Variants in SLC49A3 observed in about 807,000 individuals in gnomAD.
SLC49A3 encodes solute carrier family 49 member A3.
A neutral mutation model predicts 43.8 loss-of-function variants in SLC49A3; 50 were observed. That is an observed-to-expected ratio of 1.14 (90% CI 0.91 to 1.45). The LOEUF is 1.45. Among genes scored for constraint, SLC49A3 ranks in the 40% most tolerant of loss-of-function variants. The probability of loss-of-function intolerance (pLI) is 0.00; values close to 1 mark genes in which losing one functional copy is unlikely to be tolerated. For missense variants in SLC49A3, 906 were observed against 774.1 expected, an observed-to-expected ratio of 1.17 and a Z score of -2.02; for synonymous variants, 413 against 352.0, an observed-to-expected ratio of 1.17 and a Z score of -1.94.
chr4:682,408 C>G, intron 9 of SLC49A3, 32 bp from the exon 10 acceptor site: 1 of 1,321,548 alleles, frequency 7.6e-7, no homozygotes. Flanking sequence ...GTCCCCACAG[C>G]CAAGCCCAGG....
At chr4:689,463 C>T, upstream of SLC49A3, 1 of 195,318 alleles carries the variant, frequency 5.1e-6, no homozygotes, top group Non-Finnish European at 1.0e-5. Context: ...GCCTGGAAGT[C>T]ACTCTGCCCA....
At position 686,147 on chromosome 4, in the gene SLC49A3, C is replaced by T; in HGVS notation, c.450G>A (p.Leu150=). 6.2e-7 allele frequency: 1 copy of T among 1,613,272 alleles called. No homozygotes were observed. The highest frequency in any genetic ancestry group is 8.5e-7 in the Non-Finnish European group (1 of 1,179,976). The change falls in exon 3 of 10, where the codon CTG becomes CTA. Residue 150 remains leucine, a synonymous_variant. Coordinates refer to ENST00000322224, the MANE Select transcript of SLC49A3 (RefSeq NM_032219.4). ...GGTGCTCTGGGAACCACAAGGCAGC[C>T]AGCTTGGCTGGAGAGAAGATGACCA... is the stretch of plus-strand genomic sequence containing the variant. ...QSLVIFSPAK[L]AALWFPEHQR...
chr4:690,639 G>A (rs903145075), upstream of SLC49A3, among the ~76,000 whole-genome samples: 4 of 152,244 alleles, frequency 2.6e-5, no homozygotes, highest in Non-Finnish European at 4.4e-5. Context: ...CTGTCACCAT[G>A]AAATGGGGCA....
chr4:689,515 G>C (rs886819943), upstream of SLC49A3: 1 of 162,394 alleles, frequency 6.2e-6, no homozygotes, highest in Non-Finnish European at 1.3e-5. Flanking sequence ...TGGACCCCAA[G>C]TTCCTGAGGT....
chr4:679,953 T>C, downstream of SLC49A3: 10 of 1,613,744 alleles, frequency 6.2e-6, no homozygotes, highest in Non-Finnish European at 8.5e-6. Flanking sequence ...GACGCCATGC[T>C]CAAAGAGGCC....
chr4:678,690 T>C (rs753267640), downstream of SLC49A3: 1 of 1,611,184 alleles, frequency 6.2e-7, no homozygotes, highest in South Asian at 1.1e-5. Context: ...AGGAAGGGGG[T>C]GCCCTCCGGG....
At chr4:683,113 GA>G in intron 8 of SLC49A3, 96 bp downstream of exon 8, 1 of 1,508,088 alleles carries the variant, frequency 6.6e-7, no homozygotes, top group Non-Finnish European at 9.0e-7. Flanking sequence ...CCACCTCCCC[GA>G]AAAGGGGCCT....
chr4:684,988 G>GCCCTCCCACCA (rs1436731503), intron 4 of SLC49A3, 132 bp from the exon 5 acceptor site: 41 of 1,299,284 alleles, frequency 3.2e-5, no homozygotes, highest in Non-Finnish European at 4.2e-5. Context: ...CCTCTGGTCT[G>GCCCTCCCACCA]CAGCTGCCCT....
At position 689,107 on chromosome 4, in the gene SLC49A3, G is replaced by A; in HGVS notation, c.21C>T (p.Ala7=). 1 of 1,426,770 alleles carries A rather than the reference G, an allele frequency of 7.0e-7. No homozygotes were observed. The highest frequency in any genetic ancestry group is 1.5e-5 in the South Asian group (1 of 68,766). The allele number at this position is 1,426,770 out of a possible 1,614,324, so 88.4% of individuals were successfully genotyped here. A position where few individuals can be genotyped will look rare whatever the true frequency, so the allele number is the denominator to read the frequency against. ...CCCGGGGCTCGGCCAACCCCGTCTC[G>A]GCCTCCGTCGGCCCCGCCATCGTCG... MAGPTE[A]ETGLAEPRAL... Residue 7 remains alanine (A), a synonymous_variant, in exon 1 of 10, where the codon GCC becomes GCT. Coordinates refer to ENST00000322224, the MANE Select transcript of SLC49A3 (RefSeq NM_032219.4).
downstream of SLC49A3, chr4:681,248 C>A: frequency 7.3e-7 from 1 of 1,369,314 alleles, no homozygotes; most frequent in Non-Finnish European, 1.0e-6. Flanking sequence ...GCGGTTAGGA[C>A]CCAGGACAGA....
downstream of SLC49A3, chr4:677,861 T>C: frequency 8.5e-7 from 1 of 1,179,852 alleles, no homozygotes; most frequent in Admixed American, 1.8e-5. Flanking sequence ...ACTGCCAGGC[T>C]GCCAAAGCTC....
At position 689,050 on chromosome 4, in the gene SLC49A3, G is replaced by T; in HGVS notation, c.78C>A (p.Tyr26Ter). The T allele has an allele frequency of 1.9e-6, 3 of 1,585,242 alleles. No homozygotes were observed. Among genetic ancestry groups the T allele is most frequent in the Non-Finnish European group, 1.7e-6 (2 of 1,169,322 alleles). The change falls in exon 1 of 10, where the codon TAC (tyrosine) becomes TAA (stop). Residue 26 changes from tyrosine to a stop codon, truncating the protein, a stop_gained. Coordinates refer to ENST00000322224, the MANE Select transcript of SLC49A3 (RefSeq NM_032219.4). LOFTEE classifies it high-confidence loss of function. ...ALCAQRGHRT[Y>*]ARRWVFLLAI... Reference sequence around the variant, plus strand: ...CGAGCAGGAACACCCAGCGGCGCGCGTAGGTGCGGTGGCCCCGCTGCGCGC... The same window carrying T: ...CGAGCAGGAACACCCAGCGGCGCGCTTAGGTGCGGTGGCCCCGCTGCGCGC...
downstream of SLC49A3, among the ~76,000 whole-genome samples, chr4:681,643 C>A (rs1326440936): frequency 1.4e-5 from 1 of 69,088 alleles, no homozygotes; most frequent in Non-Finnish European, 2.9e-5. Flanking sequence ...CAGCGCCGCC[C>A]CGCCCCCTCC....
downstream of SLC49A3, chr4:677,851 A>C: frequency 9.5e-7 from 1 of 1,054,280 alleles, no homozygotes; most frequent in Non-Finnish European, 1.4e-6. Context: ...GGTGTGAGTC[A>C]CTGCCAGGCT....
At chr4:681,030 C>T, downstream of SLC49A3, 1 of 1,543,602 alleles carries the variant, frequency 6.5e-7, no homozygotes. Flanking sequence ...GCACCTGAGC[C>T]CCACCGAGAA....
chr4:678,607 AG>A (rs1272149354), downstream of SLC49A3: 2 of 1,563,858 alleles, frequency 1.3e-6, no homozygotes, highest in Non-Finnish European at 1.7e-6. Context: ...GGTGCCCTGG[AG>A]GGTTTCGTCA....
Position 686,437 on chromosome 4 carries a change from G to T in SLC49A3, c.294+95C>A, listed in dbSNP as rs1032316201. On this transcript the variant is annotated intron_variant, in intron 2 of 9. Coordinates refer to ENST00000322224, the MANE Select transcript of SLC49A3 (RefSeq NM_032219.4). ...CCGGGGTCCCCAGCTGTTGGGACTG[G>T]TGGGCCCCGGTCTGGGGAGGCCTTG... The T allele has an allele frequency of 6.4e-6, 10 of 1,563,978 alleles. No homozygotes were observed. The African/African-American group carries it at 1.4e-4, about 21-fold the overall frequency.
intron 6 of SLC49A3, among the ~76,000 whole-genome samples, chr4:684,070 C>G (rs1480443981): frequency 1.3e-5 from 2 of 152,232 alleles, no homozygotes; most frequent in African/African-American, 4.8e-5. Context: ...AGCACTGATC[C>G]CAGAAGGCAG....
At position 682,290 on chromosome 4, in the gene SLC49A3, C is replaced by T. The variant is rs1577346222; in HGVS notation, c.1348G>A (p.Ala450Thr). 7.4e-7 allele frequency: 1 copy of T among 1,349,428 alleles called. No individual in the cohort carries two copies. Among genetic ancestry groups the T allele is most frequent in the Non-Finnish European group, 9.6e-7 (1 of 1,041,376 alleles). 83.6% of individuals were successfully genotyped at this position (1,349,428 alleles called of 1,614,324 possible). The change falls in exon 10 of 10, where the codon GCC (alanine) becomes ACC (threonine). Residue 450 changes from alanine (A) to threonine (T), a missense_variant. By Grantham distance (58) the Ala-to-Thr change is moderately conservative. Coordinates refer to ENST00000322224, the MANE Select transcript of SLC49A3 (RefSeq NM_032219.4). Reference protein sequence around the residue: ...FFHTPYRRLQAESGEPPSTRN... With the variant: ...FFHTPYRRLQTESGEPPSTRN... ...GTGGAGGGGGGCTCCCCAGACTCGGCCTGCAGGCGCCGGTATGGGGTGTGG... is the reference window on the plus strand; with the variant it reads ...GTGGAGGGGGGCTCCCCAGACTCGGTCTGCAGGCGCCGGTATGGGGTGTGG...
Sources: allele counts gnomAD v4.1 joint callset (sites outside exome capture counted in the v4.1 genomes callset), GRCh38; gene constraint gnomAD v4.1.1; transcripts MANE v1.5; gene names NCBI Gene and HGNC (gene_info 2026-07-23, HGNC 2026-07-21).